CNOT4: variants seen among roughly 807,000 people sequenced by gnomAD.
CNOT4 encodes CCR4-associated factor 4.
CNOT4 carries 8 observed loss-of-function variants against 73.8 expected under a neutral mutation model. The observed-to-expected ratio is 0.11, with a 90% CI of 0.06 to 0.20. The LOEUF (loss-of-function observed/expected upper bound fraction) is 0.20. CNOT4 is among the 10% of genes least tolerant of loss of function. CNOT4 has a pLI of 1.00. For synonymous variants in CNOT4, 293 were observed against 321.1 expected (o/e 0.91, Z 0.94); for missense variants, 564 against 883.4 (o/e 0.64, Z 4.58).
rs187486187 is a variant in CNOT4, at chr7:135,463,664, A to C, written c.-92-25241T>G. On this transcript the variant is annotated intron_variant, in intron 1 of 11. Coordinates refer to ENST00000541284, the MANE Select transcript of CNOT4 (RefSeq NM_001190850.2). ...AAAGACACCAAAAGCAACTGCAACAAAAGCAAAAATTGACAAGTGGGATCT... is the reference window on the plus strand; with the variant it reads ...AAAGACACCAAAAGCAACTGCAACACAAGCAAAAATTGACAAGTGGGATCT... 9.2e-5 allele frequency among the ~76,000 whole-genome samples: 14 copies of C among 152,296 alleles called. No individual in the cohort carries two copies. The East Asian group carries it at 2.7e-3, about 29-fold the overall frequency.
intron 2 of CNOT4, among the ~76,000 whole-genome samples, chr7:135,434,869 G>A (rs1210498510): frequency 6.6e-6 from 1 of 152,028 alleles, no homozygotes; most frequent in Non-Finnish European, 1.5e-5. Flanking sequence ...TTACTTTCAG[G>A]TGTTCAGTCA....
intron 1 of CNOT4, among the ~76,000 whole-genome samples, chr7:135,446,483 T>C (rs547039381): frequency 2.1e-4 from 32 of 152,338 alleles, no homozygotes; most frequent in African/African-American, 7.7e-4. Flanking sequence ...CACTTAACTA[T>C]AGTACATAAC....
At chr7:135,450,019 C>T (rs1417182851) in intron 1 of CNOT4, among the ~76,000 whole-genome samples, 2 of 152,062 alleles carry the variant, frequency 1.3e-5, no homozygotes, top group Non-Finnish European at 2.9e-5. Flanking sequence ...ATTTGTTCTA[C>T]TTTCATGTAT....
At chr7:135,401,501 C>G (rs1158551160) in intron 7 of CNOT4, among the ~76,000 whole-genome samples, 1 of 152,124 alleles carries the variant, frequency 6.6e-6, no homozygotes, top group East Asian at 1.9e-4. Context: ...AAATCAACCT[C>G]TTTCTACTGC....
At chr7:135,458,131 T>C (rs773396284) in intron 1 of CNOT4, among the ~76,000 whole-genome samples, 1 of 152,106 alleles carries the variant, frequency 6.6e-6, no homozygotes, top group Admixed American at 6.5e-5. Context: ...GAAGATATTG[T>C]AGATTCAGTT....
intron 2 of CNOT4, among the ~76,000 whole-genome samples, chr7:135,427,573 C>T (rs985752279): frequency 6.6e-6 from 1 of 152,118 alleles, no homozygotes; most frequent in African/African-American, 2.4e-5. Flanking sequence ...TTGTAATTTT[C>T]TTTTTGATCT....
chr7:135,435,776 A>C (rs1174160270), intron 2 of CNOT4, among the ~76,000 whole-genome samples: 1 of 152,210 alleles, frequency 6.6e-6, no homozygotes, highest in African/African-American at 2.4e-5. Context: ...CTCCTTTGTG[A>C]CTGTAGCAAA....
At chr7:135,388,975 A>C (rs1796260965) in intron 10 of CNOT4, 3 of 1,319,250 alleles carry the variant, frequency 2.3e-6, no homozygotes, top group Admixed American at 2.0e-5. Flanking sequence ...CAATATTTGG[A>C]ATACTGATAC....
chr7:135,415,037 C>A, intron 4 of CNOT4, 139 bp downstream of exon 4: 1 of 630,256 alleles, frequency 1.6e-6, no homozygotes, highest in Non-Finnish European at 2.8e-6. Context: ...ATCCCCCACC[C>A]CACCAACAGA....
chr7:135,459,903 G>A (rs1027466765), intron 1 of CNOT4, among the ~76,000 whole-genome samples: 3 of 152,184 alleles, frequency 2.0e-5, no homozygotes, highest in Admixed American at 6.5e-5. Flanking sequence ...CATGATCTTA[G>A]CTAGATCTTC....
intron 10 of CNOT4, chr7:135,388,458 C>T (rs1178604123): frequency 2.0e-6 from 2 of 988,596 alleles, no homozygotes; most frequent in South Asian, 9.4e-5. Flanking sequence ...ACTACCATTA[C>T]CTTTGTATAA....
intron 1 of CNOT4, among the ~76,000 whole-genome samples, chr7:135,450,152 C>A (rs1800073974): frequency 6.6e-6 from 1 of 151,992 alleles, no homozygotes; most frequent in South Asian, 2.1e-4. Flanking sequence ...TCAAGGCCAG[C>A]CTGGGCAACA....
At chr7:135,476,814 A>T (rs1464023967) in intron 1 of CNOT4, among the ~76,000 whole-genome samples, 1 of 152,176 alleles carries the variant, frequency 6.6e-6, no homozygotes, top group Non-Finnish European at 1.5e-5. Context: ...TCTACAAAAA[A>T]TACAAAATAA....
intron 1 of CNOT4, among the ~76,000 whole-genome samples, chr7:135,464,296 T>C (rs183970121): frequency 6.6e-6 from 1 of 152,198 alleles, no homozygotes; most frequent in East Asian, 1.9e-4. Flanking sequence ...TAAATGCCCA[T>C]CAATGACAGA....
At chr7:135,485,875 A>G (rs747431813) in intron 1 of CNOT4, among the ~76,000 whole-genome samples, 14 of 152,262 alleles carry the variant, frequency 9.2e-5, no homozygotes, top group Admixed American at 6.5e-5. Context: ...GCACTAGGTA[A>G]AGAGTTGTTA....
At chr7:135,477,652 T>C (rs1440930177) in intron 1 of CNOT4, among the ~76,000 whole-genome samples, 3 of 152,220 alleles carry the variant, frequency 2.0e-5, no homozygotes, top group African/African-American at 7.2e-5. Flanking sequence ...TTCTTCTTCA[T>C]GGCTGCAATA....
intron 1 of CNOT4, among the ~76,000 whole-genome samples, chr7:135,508,488 G>C (rs1260062557): frequency 3.3e-5 from 5 of 152,078 alleles, no homozygotes; most frequent in Admixed American, 6.5e-5. Context: ...GAGGAACTTA[G>C]GTTTATATAA....
At chr7:135,509,765 G>A in intron 1 of CNOT4, 124 bp downstream of exon 1, 1 of 339,426 alleles carries the variant, frequency 2.9e-6, no homozygotes, top group Non-Finnish European at 5.3e-6. Context: ...GAGGAGGAGG[G>A]TGAAGATGAG....
chr7:135,464,138 C>T (rs1222284809), intron 1 of CNOT4, among the ~76,000 whole-genome samples: 1 of 151,760 alleles, frequency 6.6e-6, no homozygotes, highest in African/African-American at 2.4e-5. Flanking sequence ...GGCAATTCCT[C>T]AGAGCCAAAA....
Sources: allele counts gnomAD v4.1 joint callset (sites outside exome capture counted in the v4.1 genomes callset), GRCh38; gene constraint gnomAD v4.1.1; transcripts MANE v1.5; gene names NCBI Gene and HGNC (gene_info 2026-07-23, HGNC 2026-07-21).